Variants in FAT3 observed in about 807,000 individuals in gnomAD.
The protein encoded by FAT3 is protocadherin Fat 3.
Under a neutral mutation model 310.2 loss-of-function variants are expected in FAT3, and 95 were observed. The ratio of observed to expected loss-of-function variants is 0.31; its 90% confidence interval spans 0.26 to 0.36. The LOEUF (loss-of-function observed/expected upper bound fraction) is 0.36, where lower values mean the gene tolerates loss of function less well. Among genes scored for constraint, FAT3 ranks in the 10% least tolerant of loss-of-function variants. The pLI, the probability that FAT3 is intolerant of heterozygous loss-of-function variation, is 1.00. For missense variants in FAT3, 5,408 were observed against 5,715.6 expected, an observed-to-expected ratio of 0.95 and a Z score of 1.74; for synonymous variants, 2,314 against 2,192.9, an observed-to-expected ratio of 1.06 and a Z score of -1.54.
chr11:92,487,512 C>T (rs1049334991), intron 2 of FAT3, among the ~76,000 whole-genome samples: 9 of 152,074 alleles, frequency 5.9e-5, no homozygotes, highest in Non-Finnish European at 1.2e-4. Context: ...ACGTCCTTAG[C>T]GTCAGACATA....
chr11:92,397,618 G>A (rs976343946), intron 2 of FAT3, among the ~76,000 whole-genome samples: 3 of 152,068 alleles, frequency 2.0e-5, no homozygotes, highest in African/African-American at 4.8e-5. Flanking sequence ...CAAGTCTCAC[G>A]CATGCATCAC....
intron 22 of FAT3, among the ~76,000 whole-genome samples, chr11:92,876,733 A>T (rs2136383526): frequency 6.6e-6 from 1 of 152,364 alleles, no homozygotes; most frequent in South Asian, 2.1e-4. Flanking sequence ...GAACCTATGA[A>T]CACACAATCA....
intron 3 of FAT3, among the ~76,000 whole-genome samples, chr11:92,533,422 T>A (rs963084772): frequency 1.3e-5 from 2 of 152,098 alleles, no homozygotes; most frequent in African/African-American, 4.8e-5. Flanking sequence ...AGGAAGTAAT[T>A]TGACTCCCCA....
intron 3 of FAT3, among the ~76,000 whole-genome samples, chr11:92,650,777 C>G (rs987367034): frequency 6.6e-6 from 1 of 152,182 alleles, no homozygotes; most frequent in African/African-American, 2.4e-5. Context: ...CTTAGCTCCT[C>G]TCAGTCTCAC....
In FAT3 at chr11:92,805,265, T is replaced by C. The variant is rs774638616; in HGVS notation, c.9009T>C (p.Thr3003=). 7 of 1,613,772 alleles carry C rather than the reference T, an allele frequency of 4.3e-6. No individual in the cohort carries two copies. Residue 3003 remains threonine (T), a synonymous_variant, in exon 11 of 28, where the codon ACT becomes ACC. Coordinates refer to ENST00000525166, the MANE Select transcript of FAT3 (RefSeq NM_001367949.2). ...AGGACATTTACTTTCTCAATATCAC[T>C]GCCACTGATGGGCTTTTTGTCACAC... ...EEQDIYFLNI[T]ATDGLFVTQA... is the part of the protein sequence containing the mutation.
chr11:92,316,633 G>A (rs1380029291), intron 1 of FAT3, among the ~76,000 whole-genome samples: 2 of 152,072 alleles, frequency 1.3e-5, no homozygotes, highest in East Asian at 3.9e-4. Context: ...GCTGAAAAAT[G>A]CATACAAGAA....
chr11:92,500,862 T>G (rs537059266), intron 2 of FAT3, among the ~76,000 whole-genome samples: 15 of 152,172 alleles, frequency 9.9e-5, no homozygotes, highest in African/African-American at 3.6e-4. Context: ...TACTGCCTAC[T>G]TTAGATGAGG....
chr11:92,476,764 G>T (rs1337100578), intron 2 of FAT3, among the ~76,000 whole-genome samples: 5 of 152,160 alleles, frequency 3.3e-5, no homozygotes, highest in Non-Finnish European at 7.3e-5. Flanking sequence ...AATGCAGTGG[G>T]TACTATGAAT....
rs141021794 is a variant in FAT3 at position 92,355,747 on chromosome 11, G to A, written c.3292+343G>A. Among the ~76,000 whole-genome samples, 977 of 152,314 alleles carry A rather than the reference G, an allele frequency of 6.4e-3. 8 individuals carry two copies. The highest frequency in any genetic ancestry group is 0.027 in the South Asian group (128 of 4,828). On this transcript the variant is annotated intron_variant, in intron 2 of 27. Coordinates refer to ENST00000525166, the MANE Select transcript of FAT3 (RefSeq NM_001367949.2). ...TCTCTAAATGAAGGACTCTGATAAA[G>A]TAAATTACATTTGAATTGGCTTTAA...
At chr11:92,321,848 T>A (rs1342773245) in intron 1 of FAT3, among the ~76,000 whole-genome samples, 1 of 152,202 alleles carries the variant, frequency 6.6e-6, no homozygotes, top group Non-Finnish European at 1.5e-5. Context: ...TTTGGTAAAA[T>A]GTTTTTCGTA....
Position 92,761,841 on chromosome 11 carries a change from T to C in FAT3, c.3670-15T>C, listed in dbSNP as rs2136083171. The C allele has an allele frequency of 6.2e-7, 1 of 1,609,916 alleles. No homozygotes were observed. Among genetic ancestry groups the C allele is most frequent in the Non-Finnish European group, 8.5e-7 (1 of 1,177,602 alleles). The stretch of plus-strand genomic sequence containing the variant: ...AATTTTCTCCTTTCTGATCACATCA[T>C]ACTCTCTTTTTCAGGTGACTGTGAC... On this transcript the variant is annotated splice_polypyrimidine_tract_variant and intron_variant, in intron 4 of 27. Transcript: ENST00000525166.
At chr11:92,289,893 T>C (rs1946649796) in intron 1 of FAT3, among the ~76,000 whole-genome samples, 1 of 152,150 alleles carries the variant, frequency 6.6e-6, no homozygotes, top group Admixed American at 6.5e-5. Flanking sequence ...CTCAAAACAC[T>C]AAGGGTTTCC....
chr11:92,660,361 G>A (rs1425268784), intron 3 of FAT3, among the ~76,000 whole-genome samples: 1 of 152,076 alleles, frequency 6.6e-6, no homozygotes, highest in East Asian at 1.9e-4. Flanking sequence ...ACAGAAGGAT[G>A]ACACCAAGAG....
intron 3 of FAT3, among the ~76,000 whole-genome samples, chr11:92,637,411 C>G (rs1374755943): frequency 6.6e-6 from 1 of 152,162 alleles, no homozygotes; most frequent in African/African-American, 2.4e-5. Flanking sequence ...CATTTTTGCA[C>G]CATTTGTTTC....
chr11:92,609,671 C>T (rs1429915023), intron 3 of FAT3, among the ~76,000 whole-genome samples: 1 of 152,074 alleles, frequency 6.6e-6, no homozygotes, highest in South Asian at 2.1e-4. Context: ...CAACTATCAA[C>T]CTGCAAATAA....
chr11:92,342,359 AG>A (rs1208602470), intron 1 of FAT3, among the ~76,000 whole-genome samples: 1 of 152,148 alleles, frequency 6.6e-6, no homozygotes, highest in African/African-American at 2.4e-5. Flanking sequence ...TCAACAGGAA[AG>A]GGGTGCAACA....
intron 3 of FAT3, among the ~76,000 whole-genome samples, chr11:92,546,267 G>C (rs188255582): frequency 6.6e-6 from 1 of 152,174 alleles, no homozygotes; most frequent in African/African-American, 2.4e-5. Context: ...TTAAGGGAAC[G>C]TAAAGGATTT....
rs577182727 is a variant in FAT3 at position 92,880,680 on chromosome 11, C to T, written c.12128-51C>T. 2.7e-5 allele frequency: 42 copies of T among 1,576,552 alleles called. No individual in the cohort carries two copies. In the East Asian group the frequency reaches 9.3e-4, roughly 35 times the overall value. On this transcript the variant is annotated intron_variant, in intron 22 of 27. Transcript: ENST00000525166. ...GACATGTTATAGCTGAGTCCAAGCA[C>T]TCAGCCCTAGCAGTGGCATCCATGG...
intron 4 of FAT3, among the ~76,000 whole-genome samples, chr11:92,722,219 T>C (rs375946737): frequency 2.0e-5 from 3 of 149,866 alleles, no homozygotes; most frequent in East Asian, 1.9e-4. Flanking sequence ...AGTATACCCA[T>C]TGGGTAAATA....
Sources: allele counts gnomAD v4.1 joint callset (sites outside exome capture counted in the v4.1 genomes callset), GRCh38; gene constraint gnomAD v4.1.1; transcripts MANE v1.5; gene names NCBI Gene and HGNC (gene_info 2026-07-23, HGNC 2026-07-21).